MAP3K9: variants seen among roughly 807,000 people sequenced by gnomAD.
MAP3K9 encodes the protein mixed lineage kinase 1 (tyr and ser/thr specificity).
Under a neutral mutation model 95.8 loss-of-function variants are expected in MAP3K9, and 46 were observed. The observed-to-expected ratio is 0.48, with a 90% CI of 0.38 to 0.61. MAP3K9 has a LOEUF of 0.61. Among genes scored for constraint, MAP3K9 ranks in the 20% least tolerant of loss-of-function variants. The pLI, the probability that MAP3K9 is intolerant of heterozygous loss-of-function variation, is 0.00. For missense variants in MAP3K9, 1,296 were observed against 1,474.3 expected (o/e 0.88, Z 1.98); for synonymous variants, 533 against 593.8 (o/e 0.90, Z 1.49).
chr14:70,808,806 C>A lies in MAP3K9; in HGVS notation c.366G>T (p.Gln122His), dbSNP rs1265024823. 2 of 1,592,772 alleles carry A rather than the reference C, an allele frequency of 1.3e-6. No homozygotes were observed. The highest frequency in any genetic ancestry group is 2.3e-5 in the South Asian group (2 of 87,472). ...TPRSAFSSRC[Q>H]PGGEDPSCYP... Reference sequence around the variant, plus strand: ...AGCAACTGGGGTCCTCGCCGCCGGGCTGGCAGCGGCTGGAGAAGGCGCTGC... The same window carrying A: ...AGCAACTGGGGTCCTCGCCGCCGGGATGGCAGCGGCTGGAGAAGGCGCTGC... The change falls in exon 1 of 12, where the codon CAG (glutamine) becomes CAT (histidine). Residue 122 changes from glutamine (Q) to histidine (H), a missense_variant. Around this residue, in one of 5 missense-constraint regions of MAP3K9, gnomAD observed 338 missense variants for 363.4 expected, o/e 0.93. Coordinates refer to ENST00000554752, the MANE Select transcript of MAP3K9 (RefSeq NM_001284230.2).
At chr14:70,796,126 A>G (rs533351835) in intron 2 of MAP3K9, among the ~76,000 whole-genome samples, 2 of 139,730 alleles carry the variant, frequency 1.4e-5, no homozygotes, top group South Asian at 4.9e-4. Context: ...GCCACCTACT[A>G]TACAAAATCC....
chr14:70,795,987 T>C (rs1433263532), intron 2 of MAP3K9, among the ~76,000 whole-genome samples: 2 of 151,892 alleles, frequency 1.3e-5, no homozygotes, highest in Non-Finnish European at 2.9e-5. Flanking sequence ...ACTCCCGACC[T>C]CGGGTGATCC....
intron 9 of MAP3K9, among the ~76,000 whole-genome samples, 168 bp downstream of exon 9, chr14:70,735,793 T>C (rs2053977466): frequency 2.0e-5 from 3 of 152,076 alleles, no homozygotes; most frequent in African/African-American, 2.4e-5. Context: ...ACACAGGAAT[T>C]TTCCCAAGGT....
chr14:70,779,870 CA>C (rs1182378203), intron 2 of MAP3K9, among the ~76,000 whole-genome samples: 1 of 152,214 alleles, frequency 6.6e-6, no homozygotes, highest in Admixed American at 6.5e-5. Flanking sequence ...ATGCACTTTG[CA>C]ATGTCAGCCA....
Position 70,726,496 on chromosome 14 carries a change from CTCTG to C in MAP3K9, c.*3880_*3883del, listed in dbSNP as rs2053822520. 6.6e-6 allele frequency: 1 copy of C among 152,264 alleles called. No homozygotes were observed. The highest frequency in any genetic ancestry group is 2.4e-5 in the African/African-American group (1 of 41,468). 9.4% of individuals were successfully genotyped at this position (152,264 alleles called of 1,614,324 possible). ...ACCAACCTCCCTCTCTCATTTCCTT[CTCTG>C]TAAGACACAACCTCCCTCTCCCATT... On this transcript the variant is annotated 3_prime_UTR_variant, in exon 12 of 12. Transcript: ENST00000554752.
At chr14:70,776,753 A>T (rs936413680) in intron 2 of MAP3K9, among the ~76,000 whole-genome samples, 5 of 151,518 alleles carry the variant, frequency 3.3e-5, no homozygotes, top group African/African-American at 7.3e-5. Flanking sequence ...ACTTTGATTT[A>T]AAAAAAAATC....
intron 2 of MAP3K9, among the ~76,000 whole-genome samples, chr14:70,780,102 A>G (rs1016501918): frequency 6.6e-6 from 1 of 152,238 alleles, no homozygotes; most frequent in Non-Finnish European, 1.5e-5. Flanking sequence ...CTGGCTGGCC[A>G]TAATGTGCAT....
intron 8 of MAP3K9, among the ~76,000 whole-genome samples, chr14:70,736,817 T>A (rs2053992382): frequency 6.6e-6 from 1 of 152,210 alleles, no homozygotes; most frequent in Non-Finnish European, 1.5e-5. Context: ...CTTACATAGC[T>A]GAGGTAGTTT....
In MAP3K9 at chr14:70,732,654, G is replaced by T. The variant is rs61749081; in HGVS notation, c.2715C>A (p.Thr905=). Residue 905 remains threonine (T), a synonymous_variant, in exon 11 of 12, where the codon ACC becomes ACA. Coordinates refer to ENST00000554752, the MANE Select transcript of MAP3K9 (RefSeq NM_001284230.2). ...SLTPTHVTLT[T]PSQPSSHRRT... is the part of the protein sequence containing the mutation. ...GCCGGTGACTGCTGGGCTGCGAGGG[G>T]GTGGTGAGGGTGACATGGGTGGGAG... 1.2e-6 allele frequency: 2 copies of T among 1,605,038 alleles called. No homozygotes were observed.
At position 70,727,247 on chromosome 14, in the gene MAP3K9, G is replaced by A. The variant is rs1315655961; in HGVS notation, c.*3133C>T. 1 of 152,158 alleles carries A rather than the reference G, an allele frequency of 6.6e-6. No homozygotes were observed. The highest frequency in any genetic ancestry group is 1.5e-5 in the Non-Finnish European group (1 of 68,052). The allele number at this position is 152,158 out of a possible 1,614,324, so 9.4% of individuals were successfully genotyped here. On this transcript the variant is annotated 3_prime_UTR_variant, in exon 12 of 12. Coordinates refer to ENST00000554752, the MANE Select transcript of MAP3K9 (RefSeq NM_001284230.2). ...GATGCCACAGGATGCCAAGTGAAGA[G>A]GATCCGCCAAAGCCTCTCAGAAATA... is the stretch of plus-strand genomic sequence containing the variant.
intron 2 of MAP3K9, among the ~76,000 whole-genome samples, chr14:70,776,589 A>T (rs2054602070): frequency 6.6e-6 from 1 of 152,144 alleles, no homozygotes; most frequent in African/African-American, 2.4e-5. Flanking sequence ...AAAAACTAAT[A>T]AAGCAAAGGA....
intron 2 of MAP3K9, among the ~76,000 whole-genome samples, chr14:70,790,224 T>A (rs1348251744): frequency 6.6e-6 from 1 of 152,196 alleles, no homozygotes; most frequent in Non-Finnish European, 1.5e-5. Flanking sequence ...TTTTCTCCAC[T>A]AAACCACTCA....
chr14:70,806,970 A>G (rs1471721393), intron 1 of MAP3K9, among the ~76,000 whole-genome samples: 1 of 152,250 alleles, frequency 6.6e-6, no homozygotes, highest in Non-Finnish European at 1.5e-5. Context: ...CTACCAAACT[A>G]GTCCCAAAAA....
chr14:70,747,227 C>T (rs1417116903), intron 5 of MAP3K9, among the ~76,000 whole-genome samples: 1 of 152,158 alleles, frequency 6.6e-6, no homozygotes, highest in Non-Finnish European at 1.5e-5. Flanking sequence ...TCCATAATCC[C>T]CATGGGTCAT....
chr14:70,805,810 C>T (rs137993848), intron 1 of MAP3K9, among the ~76,000 whole-genome samples: 19 of 152,254 alleles, frequency 1.2e-4, no homozygotes, highest in African/African-American at 4.6e-4. Context: ...CCTCTGGTCC[C>T]AGCTTCTTTG....
chr14:70,735,268 A>G (rs2053969413), intron 9 of MAP3K9, among the ~76,000 whole-genome samples: 1 of 152,158 alleles, frequency 6.6e-6, no homozygotes, highest in Non-Finnish European at 1.5e-5. Context: ...GAGGCCTAGA[A>G]GCACTGGTCT....
intron 3 of MAP3K9, among the ~76,000 whole-genome samples, chr14:70,759,702 T>C (rs1228973330): frequency 6.6e-6 from 1 of 152,176 alleles, no homozygotes; most frequent in Non-Finnish European, 1.5e-5. Context: ...AGGAAACTAA[T>C]AACAATGGTG....
chr14:70,804,659 A>G (rs2023954), intron 1 of MAP3K9, among the ~76,000 whole-genome samples: 35,335 of 152,068 alleles, frequency 0.23, 4,386 homozygotes, highest in South Asian at 0.38. Context: ...TAGGTGTTAA[A>G]TATTCATTTA....
In MAP3K9 at chr14:70,730,786, G is replaced by A. The variant is rs745872449; in HGVS notation, c.2909C>T (p.Pro970Leu). 4 of 1,613,474 alleles carry A rather than the reference G, an allele frequency of 2.5e-6. No homozygotes were observed. Among genetic ancestry groups the A allele is most frequent in the Non-Finnish European group, 2.5e-6 (3 of 1,179,964 alleles). ...CTGAGTGTTCCAGCGCCTTGGGGTT[G>A]GGGGGAAGACCACATTGGGGTCAGG... ...RLPDPNVVFP[P>L]TPRRWNTQQD... The change falls in exon 12 of 12, where the codon CCA becomes CTA. Residue 970 changes from proline (P) to leucine (L), a missense_variant. Physicochemically the swap from Pro to Leu is moderately conservative, Grantham distance 98. Around this residue, in one of 5 missense-constraint regions of MAP3K9, gnomAD observed 433 missense variants for 441.4 expected, o/e 0.98. Transcript: ENST00000554752.
Sources: allele counts gnomAD v4.1 joint callset (sites outside exome capture counted in the v4.1 genomes callset), GRCh38; gene constraint gnomAD v4.1.1; regional missense constraint gnomAD v4.1.1; transcripts MANE v1.5; gene names NCBI Gene and HGNC (gene_info 2026-07-23, HGNC 2026-07-21).